PIGB: variants seen among roughly 807,000 people sequenced by gnomAD.
PIGB encodes GPI alpha-1,2-mannosyltransferase 3.
A neutral mutation model predicts 68.4 loss-of-function variants in PIGB; 58 were observed. The observed-to-expected ratio is 0.85, with a 90% CI of 0.69 to 1.06. PIGB has a LOEUF of 1.06. PIGB is among the 50% of genes least tolerant of loss of function. The pLI is 0.00. For synonymous variants in PIGB, 219 were observed against 220.5 expected, an observed-to-expected ratio of 0.99 and a Z score of 0.06; for missense variants, 634 against 655.8, an observed-to-expected ratio of 0.97 and a Z score of 0.36.
Position 55,320,389 on chromosome 15 carries a change from T to C in PIGB, c.278T>C (p.Val93Ala). Residue 93 changes from valine (V) to alanine (A), a missense_variant, in exon 2 of 12, where the codon GTT (valine) becomes GCT (alanine). Val to Ala is a moderately conservative substitution (Grantham distance 64, BLOSUM62 0). Coordinates refer to ENST00000164305, the MANE Select transcript of PIGB (RefSeq NM_004855.5). ...GATGAATACTGGCAGTCTCTTGAAG[T>C]TTCACATCACATGGTTTTCAAATAT... ...VPDEYWQSLE[V>A]SHHMVFNYGY... The C allele has an allele frequency of 1.9e-6, 3 of 1,613,556 alleles. No homozygotes were observed. The highest frequency in any genetic ancestry group is 2.5e-6 in the Non-Finnish European group (3 of 1,179,694).
intron 5 of PIGB, 36 bp downstream of exon 5, chr15:55,329,890 T>G: frequency 6.8e-7 from 1 of 1,464,672 alleles, no homozygotes; most frequent in Non-Finnish European, 9.4e-7. Context: ...ATGTTCAAAA[T>G]TCTACTTTTG....
intron 3 of PIGB, among the ~76,000 whole-genome samples, chr15:55,325,052 C>T (rs955804149): frequency 2.0e-5 from 3 of 152,136 alleles, no homozygotes; most frequent in Non-Finnish European, 2.9e-5. Flanking sequence ...TAACAGCCGG[C>T]GCGGTGGATC....
chr15:55,325,240 C>T (rs2055253891), intron 3 of PIGB, among the ~76,000 whole-genome samples: 1 of 151,996 alleles, frequency 6.6e-6, no homozygotes, highest in Non-Finnish European at 1.5e-5. Flanking sequence ...GCAGGAGAAT[C>T]GCTTGAACTT....
intron 10 of PIGB, among the ~76,000 whole-genome samples, chr15:55,352,423 C>T (rs1031351338): frequency 6.6e-6 from 1 of 152,288 alleles, no homozygotes; most frequent in Non-Finnish European, 1.5e-5. Context: ...TGCTTTATTT[C>T]AGGAAGCTGT....
intron 2 of PIGB, 25 bp from the exon 3 acceptor site, chr15:55,321,248 G>A (rs756219254): frequency 4.7e-5 from 72 of 1,535,602 alleles, no homozygotes; most frequent in Non-Finnish European, 5.9e-5. Flanking sequence ...AATATTATTG[G>A]ACATTTACTC....
Position 55,329,828 on chromosome 15 carries a change from T to G in PIGB, c.627T>G (p.Pro209=), listed in dbSNP as rs374797042. ...VLTIIALFYY[P]LEGSKSMNSV... is the part of the protein sequence containing the mutation. The stretch of plus-strand genomic sequence containing the variant: ...CTATAATTGCTCTTTTCTACTATCC[T>G]TTGGAAGGTTCAAAGTCTATGAACA... The change falls in exon 5 of 12, where the codon CCT becomes CCG. Residue 209 remains proline, a synonymous_variant. Coordinates refer to ENST00000164305, the MANE Select transcript of PIGB (RefSeq NM_004855.5). 14 of 1,597,914 alleles carry G rather than the reference T, an allele frequency of 8.8e-6. No homozygotes were observed. In the African/African-American group the frequency reaches 1.7e-4, roughly 20 times the overall value.
chr15:55,353,091 A>G (rs1325006579), intron 10 of PIGB, among the ~76,000 whole-genome samples: 2 of 152,208 alleles, frequency 1.3e-5, no homozygotes, highest in Non-Finnish European at 2.9e-5. Flanking sequence ...ACTGAGGAGA[A>G]CAGGAATCCT....
At chr15:55,322,690 A>T (rs1025440503) in intron 3 of PIGB, among the ~76,000 whole-genome samples, 1 of 152,126 alleles carries the variant, frequency 6.6e-6, no homozygotes, top group Non-Finnish European at 1.5e-5. Flanking sequence ...TGCTTCCGTT[A>T]TTGAGAAATT....
At chr15:55,334,922 G>A (rs749640307) in intron 6 of PIGB, among the ~76,000 whole-genome samples, 1 of 152,160 alleles carries the variant, frequency 6.6e-6, no homozygotes, top group Non-Finnish European at 1.5e-5. Flanking sequence ...GTTTCACCAT[G>A]TTGGCCAGCT....
At chr15:55,341,930 T>C (rs553927682) in intron 9 of PIGB, 128 bp downstream of exon 9, 5 of 377,894 alleles carry the variant, frequency 1.3e-5, no homozygotes, top group African/African-American at 1.1e-4. Flanking sequence ...ATTAATTATA[T>C]TACTGCAATA....
chr15:55,347,207 G>C (rs1421006665), intron 9 of PIGB, among the ~76,000 whole-genome samples: 1 of 152,214 alleles, frequency 6.6e-6, no homozygotes, highest in Non-Finnish European at 1.5e-5. Context: ...GCTGTGGCGG[G>C]CAGATCACCT....
intron 8 of PIGB, 100 bp downstream of exon 8, chr15:55,340,923 A>G (rs1314245316): frequency 1.4e-6 from 1 of 740,448 alleles, no homozygotes; most frequent in Non-Finnish European, 2.2e-6. Context: ...AGGTGCCATT[A>G]ACTTTTGTTA....
chr15:55,354,893 T>G lies in PIGB; in HGVS notation c.1433T>G (p.Leu478Arg), dbSNP rs755629881. ...HYLDEADVFY[L>R]NPLNWLHREF... Reference sequence around the variant, plus strand: ...CTTGATGAAGCAGATGTATTTTACCTAAATCCCTTAAACTGGTTACATAGA... The same window carrying G: ...CTTGATGAAGCAGATGTATTTTACCGAAATCCCTTAAACTGGTTACATAGA... Residue 478 changes from leucine to arginine, a missense_variant, in exon 11 of 12, where the codon CTA becomes CGA. Physicochemically the swap from Leu to Arg is moderately radical, Grantham distance 102. Transcript: ENST00000164305. The G allele has an allele frequency of 6.2e-7, 1 of 1,613,510 alleles. No individual in the cohort carries two copies. Among genetic ancestry groups the G allele is most frequent in the South Asian group, 1.1e-5 (1 of 90,974 alleles).
At chr15:55,351,374 G>A (rs1379796187) in intron 10 of PIGB, among the ~76,000 whole-genome samples, 1 of 151,494 alleles carries the variant, frequency 6.6e-6, no homozygotes, top group Admixed American at 6.6e-5. Flanking sequence ...CCCAAAGTGC[G>A]GGGATTACAG....
chr15:55,353,400 T>C (rs1595808646), intron 10 of PIGB, among the ~76,000 whole-genome samples: 3 of 152,360 alleles, frequency 2.0e-5, no homozygotes, highest in South Asian at 4.1e-4. Context: ...TTAGGTCTTG[T>C]GTACATTTAA....
chr15:55,330,312 G>T (rs543151542), intron 5 of PIGB, among the ~76,000 whole-genome samples: 4 of 152,174 alleles, frequency 2.6e-5, no homozygotes, highest in African/African-American at 9.7e-5. Context: ...ACCCAAAACA[G>T]TCAGAAGCCA....
At chr15:55,353,319 C>T (rs985898933) in intron 10 of PIGB, among the ~76,000 whole-genome samples, 10 of 152,144 alleles carry the variant, frequency 6.6e-5, no homozygotes, top group African/African-American at 2.4e-4. Context: ...TAGAGTAGGC[C>T]GGCAGCTTTT....
At chr15:55,345,531 G>T (rs1300309909) in intron 9 of PIGB, among the ~76,000 whole-genome samples, 2 of 152,200 alleles carry the variant, frequency 1.3e-5, no homozygotes, top group Non-Finnish European at 2.9e-5. Context: ...GGCTGAGGTG[G>T]GTGGATCACC....
Position 55,350,746 on chromosome 15 carries a change from T to C in PIGB, c.1171T>C (p.Phe391Leu), listed in dbSNP as rs754186642. 1 of 1,613,732 alleles carries C rather than the reference T, an allele frequency of 6.2e-7. No homozygotes were observed. ...LKTWKKPALS[F>L]LFLSNLFLAL... is the part of the protein sequence containing the mutation. ...AACATGGAAGAAACCAGCTCTAAGT[T>C]TCCTGTTTTTATCAAATTTGTTCCT... Residue 391 changes from phenylalanine to leucine, a missense_variant, in exon 10 of 12, where the codon TTC becomes CTC. By Grantham distance (22) the Phe-to-Leu change is conservative. Transcript: ENST00000164305.
Sources: gnomAD v4.1 joint callset for allele counts (sites outside exome capture counted in the v4.1 genomes callset) on GRCh38, gnomAD v4.1.1 for gene constraint, MANE v1.5 for transcripts, NCBI Gene and HGNC (gene_info 2026-07-23, HGNC 2026-07-21) for gene names.